The following NTRK2 variants were observed in gnomAD, a reference collection of about 807,000 sequenced individuals.
NTRK2 encodes neurotrophic receptor tyrosine kinase 2.
In NTRK2, 13 loss-of-function variants were observed where a neutral mutation model predicts 94.5. The observed-to-expected ratio is 0.14, with a 90% CI of 0.09 to 0.22. The LOEUF is 0.22. Ranked by LOEUF, NTRK2 falls within the 10% of genes least tolerant of loss-of-function variation. The probability of loss-of-function intolerance (pLI) is 1.00; values close to 1 mark genes in which losing one functional copy is unlikely to be tolerated. For synonymous variants in NTRK2, 372 were observed against 407.4 expected, an observed-to-expected ratio of 0.91 and a Z score of 1.05; for missense variants, 639 against 1,071.2, an observed-to-expected ratio of 0.60 and a Z score of 5.63.
chr9:84,851,638 A>T (rs1477307392), intron 12 of NTRK2, among the ~76,000 whole-genome samples: 1 of 152,188 alleles, frequency 6.6e-6, no homozygotes, highest in Non-Finnish European at 1.5e-5. Context: ...ACAATGGGTC[A>T]CTAAAAAGAA....
intron 12 of NTRK2, chr9:84,814,064 G>C (rs201430361): frequency 1.0e-5 from 11 of 1,064,936 alleles, no homozygotes; most frequent in Non-Finnish European, 1.1e-5. Context: ...AGAGATAATT[G>C]ATTCAGGGGT....
chr9:84,952,361 C>T (rs372011546), intron 16 of NTRK2, among the ~76,000 whole-genome samples: 23 of 152,326 alleles, frequency 1.5e-4, no homozygotes, highest in African/African-American at 3.6e-4. Flanking sequence ...CTGTAACCCA[C>T]GCTGGAGAGA....
chr9:84,720,291 G>A (rs1281966579), intron 6 of NTRK2, among the ~76,000 whole-genome samples: 5 of 152,144 alleles, frequency 3.3e-5, no homozygotes, highest in East Asian at 1.9e-4. Context: ...GCAGAAAACC[G>A]GAGGCTTAAT....
chr9:84,795,194 T>C (rs1396547502), intron 12 of NTRK2, among the ~76,000 whole-genome samples: 1 of 152,158 alleles, frequency 6.6e-6, no homozygotes, highest in African/African-American at 2.4e-5. Context: ...TGAGGGGTGG[T>C]GGCAGCTTTC....
At chr9:84,926,173 TCTTTCTTTCTTTC>T (rs2077794125) in intron 14 of NTRK2, among the ~76,000 whole-genome samples, 1 of 47,822 alleles carries the variant, frequency 2.1e-5, no homozygotes, top group African/African-American at 7.4e-5. Context: ...TTCCTTCCTT[TCTTTCTTTCTTTC>T]TTTCTTTCTT....
chr9:84,723,970 C>T (rs777073204), intron 7 of NTRK2, among the ~76,000 whole-genome samples: 30 of 152,178 alleles, frequency 2.0e-4, no homozygotes, highest in African/African-American at 6.3e-4. Flanking sequence ...CTGAACAAAG[C>T]GAGTGACTTT....
At chr9:84,781,419 A>T (rs555873688) in intron 12 of NTRK2, among the ~76,000 whole-genome samples, 1 of 149,542 alleles carries the variant, frequency 6.7e-6, no homozygotes, top group South Asian at 2.1e-4. Context: ...GATCATAAGT[A>T]TACTTTTTTC....
Position 84,741,914 on chromosome 9 carries a change from T to G in NTRK2, c.1182T>G (p.Asp394Glu). Residue 394 changes from aspartate (D) to glutamate (E), a missense_variant, in exon 10 of 19, where the codon GAT becomes GAG. Asp to Glu is a conservative substitution (Grantham distance 45). Around this residue, in one of 5 missense-constraint regions of NTRK2, gnomAD observed 343 missense variants for 571.5 expected, o/e 0.60. Coordinates refer to ENST00000277120, the MANE Select transcript of NTRK2 (RefSeq NM_006180.6). The stretch of plus-strand genomic sequence containing the variant: ...TAGGTGCAAACCCAAATTATCCTGA[T>G]GTAATTTATGAAGGTAGCTATCGTG... The part of the protein sequence containing the change: ...IDDGANPNYP[D>E]VIYEDYGTAA... 2 of 1,612,654 alleles carry G rather than the reference T, an allele frequency of 1.2e-6. No individual in the cohort carries two copies. Among genetic ancestry groups the G allele is most frequent in the Non-Finnish European group, 1.7e-6 (2 of 1,179,244 alleles).
At chr9:84,837,741 T>C (rs1002558661) in intron 12 of NTRK2, among the ~76,000 whole-genome samples, 1 of 152,222 alleles carries the variant, frequency 6.6e-6, no homozygotes, top group Non-Finnish European at 1.5e-5. Flanking sequence ...TCTCAAGTGA[T>C]TTAGGTGTTG....
chr9:84,997,032 C>G (rs1829831984), intron 17 of NTRK2, among the ~76,000 whole-genome samples: 1 of 152,208 alleles, frequency 6.6e-6, no homozygotes, highest in South Asian at 2.1e-4. Context: ...GGGTGATAAG[C>G]AGCATGTGTC....
At chr9:84,834,960 A>C (rs1178927866) in intron 12 of NTRK2, among the ~76,000 whole-genome samples, 1 of 152,212 alleles carries the variant, frequency 6.6e-6, no homozygotes, top group African/African-American at 2.4e-5. Context: ...GACTAAAAGC[A>C]GTGGCATTTT....
chr9:84,818,640 C>T (rs1046563190), intron 12 of NTRK2, among the ~76,000 whole-genome samples: 2 of 152,192 alleles, frequency 1.3e-5, no homozygotes, highest in Admixed American at 6.5e-5. Flanking sequence ...TTGCTTTGTC[C>T]GTTATAACTG....
intron 14 of NTRK2, among the ~76,000 whole-genome samples, chr9:84,898,043 G>A (rs1458923054): frequency 6.6e-6 from 1 of 151,184 alleles, no homozygotes; most frequent in Non-Finnish European, 1.5e-5. Flanking sequence ...AAGATGAAAG[G>A]TCTTATCTGC....
rs1430552309 is a variant in NTRK2 at position 85,024,356 on chromosome 9, A to G, written c.*2919A>G. 4.3e-6 allele frequency: 1 copy of G among 233,044 alleles called. No homozygotes were observed. Among genetic ancestry groups the G allele is most frequent in the Non-Finnish European group, 8.5e-6 (1 of 117,972 alleles). The allele number at this position is 233,044 out of a possible 1,614,324, so 14.4% of individuals were successfully genotyped here. On this transcript the variant is annotated 3_prime_UTR_variant, in exon 19 of 19. Coordinates refer to ENST00000277120, the MANE Select transcript of NTRK2 (RefSeq NM_006180.6). Reference sequence around the variant, plus strand: ...GCCTTCCATCAAATTTGTGAAAACTACAACAGTATAACAGTGACAAACCTA... The same window carrying G: ...GCCTTCCATCAAATTTGTGAAAACTGCAACAGTATAACAGTGACAAACCTA...
At position 85,023,064 on chromosome 9, in the gene NTRK2, AGCATGCCAACGGGAG is replaced by A. The variant is rs902338389; in HGVS notation, c.*1630_*1644del. The stretch of plus-strand genomic sequence containing the variant: ...AAAGTCAAAATACAAAATTTGGCAC[AGCATGCCAACGGGAG>A]GCTGTGCCCAGACCAAGCACTGGAA... On this transcript the variant is annotated 3_prime_UTR_variant, in exon 19 of 19. Coordinates refer to ENST00000277120, the MANE Select transcript of NTRK2 (RefSeq NM_006180.6). The A allele has an allele frequency of 1.7e-5, 4 of 233,042 alleles. No individual in the cohort carries two copies. Among genetic ancestry groups the A allele is most frequent in the Admixed American group, 5.6e-5 (1 of 17,784 alleles). 14.4% of individuals were successfully genotyped at this position (233,042 alleles called of 1,614,324 possible). A position where few individuals can be genotyped will look rare whatever the true frequency, so the allele number is the denominator to read the frequency against.
intron 2 of NTRK2, 47 bp downstream of exon 2, chr9:84,671,007 C>T (rs750108074): frequency 6.4e-7 from 1 of 1,571,694 alleles, no homozygotes; most frequent in South Asian, 1.1e-5. Flanking sequence ...CCCCTAGGGC[C>T]CGAGCTGGCC....
chr9:84,932,081 G>A lies in NTRK2; in HGVS notation c.1634-2081G>A, dbSNP rs560768479. On this transcript the variant is annotated intron_variant, in intron 14 of 18. Transcript: ENST00000277120. ...ATAGCTCTGAACCACATGAATTATC[G>A]GGGGGAAAGAAAAATCCCATTAAAT... is the stretch of plus-strand genomic sequence containing the variant. 1.4e-4 allele frequency among the ~76,000 whole-genome samples: 22 copies of A among 152,122 alleles called. No individual in the cohort carries two copies. In the East Asian group the frequency reaches 1.5e-3, roughly 11 times the overall value.
chr9:84,874,997 T>A, intron 14 of NTRK2: 1 of 1,055,344 alleles, frequency 9.5e-7, no homozygotes, highest in Non-Finnish European at 1.1e-6. Flanking sequence ...ATAAATAATG[T>A]AGATTTAGTA....
rs1434016361 is a variant in NTRK2 at position 85,020,147 on chromosome 9, C to T, written c.2173-59C>T. On this transcript the variant is annotated intron_variant, in intron 17 of 18. Coordinates refer to ENST00000277120, the MANE Select transcript of NTRK2 (RefSeq NM_006180.6). The stretch of plus-strand genomic sequence containing the variant: ...AAGCAAACAGTGTCCCCCAGCAGCT[C>T]CCTTCCACACCTGGTTTCGGGGTGA... The T allele has an allele frequency of 3.1e-6, 5 of 1,589,180 alleles. No homozygotes were observed. The Admixed American group carries it at 6.7e-5, about 21-fold the overall frequency.
Sources: allele counts gnomAD v4.1 joint callset (sites outside exome capture counted in the v4.1 genomes callset), GRCh38; gene constraint gnomAD v4.1.1; regional missense constraint gnomAD v4.1.1; transcripts MANE v1.5; gene names NCBI Gene and HGNC (gene_info 2026-07-23, HGNC 2026-07-21).